Variants in SLC17A4 observed in about 807,000 individuals in gnomAD.
SLC17A4 encodes the protein solute carrier family 17 member 4, also known as probable small intestine urate exporter.
SLC17A4 carries 33 observed loss-of-function variants against 52.5 expected under a neutral mutation model. The observed-to-expected ratio is 0.63, with a 90% confidence interval of 0.48 to 0.84. The LOEUF (loss-of-function observed/expected upper bound fraction) is 0.84, where lower values mean the gene tolerates loss of function less well. Ranked by LOEUF, SLC17A4 falls within the 40% of genes least tolerant of loss-of-function variation. The pLI is 0.00. For missense variants in SLC17A4, 585 were observed against 597.1 expected (o/e 0.98, Z 0.21); for synonymous variants, 225 against 216.2 (o/e 1.04, Z -0.36).
chr6:25,769,098 G>A lies in SLC17A4; in HGVS notation c.205G>A (p.Ala69Thr). The change falls in exon 3 of 12, where the codon GCC (alanine) becomes ACC (threonine). Residue 69 changes from alanine (A) to threonine (T), a missense_variant. Coordinates refer to ENST00000377905, the MANE Select transcript of SLC17A4 (RefSeq NM_005495.3). ...IAIPAMVNNT[A>T]PPSQPNASTE... Reference sequence around the variant, plus strand: ...CATCCCAGCTATGGTGAACAACACAGCCCCACCTAGCCAGCCCAATGCTTC... The same window carrying A: ...CATCCCAGCTATGGTGAACAACACAACCCCACCTAGCCAGCCCAATGCTTC... 1.2e-6 allele frequency: 2 copies of A among 1,614,004 alleles called. No homozygotes were observed. The highest frequency in any genetic ancestry group is 1.7e-6 in the Non-Finnish European group (2 of 1,179,962).
Position 25,770,078 on chromosome 6 carries a change from T to A in SLC17A4, c.309T>A (p.Tyr103Ter), listed in dbSNP as rs976785188. The A allele has an allele frequency of 1.2e-5, 20 of 1,613,908 alleles. No individual in the cohort carries two copies. The Admixed American group carries it at 1.8e-4, about 15-fold the overall frequency. Residue 103 changes from tyrosine (Y) to a stop codon, truncating the protein, a stop_gained, in exon 4 of 12, where the codon TAT becomes TAA. Coordinates refer to ENST00000377905, the MANE Select transcript of SLC17A4 (RefSeq NM_005495.3). LOFTEE classifies it high-confidence loss of function. ...LKEFKAMAPA[Y>*]DWSPEIQGII... ...TCTTTGTCATCTAGGCCCCTGCATA[T>A]GACTGGAGTCCTGAAATCCAGGGAA...
chr6:25,767,518 A>G (rs1762123224), intron 2 of SLC17A4, among the ~76,000 whole-genome samples: 2 of 152,166 alleles, frequency 1.3e-5, no homozygotes, highest in South Asian at 4.1e-4. Flanking sequence ...TAAGTAGACC[A>G]CACAAGCTGG....
rs767440866 is a variant in SLC17A4 at position 25,770,252 on chromosome 6, G to A, written c.483G>A (p.Ala161=). 1.3e-5 allele frequency: 21 copies of A among 1,613,988 alleles called. No individual in the cohort carries two copies. The highest frequency in any genetic ancestry group is 2.2e-5 in the South Asian group (2 of 91,078). The part of the protein sequence containing the change: ...LTLFIPLAAN[A]GVALLIVLRI... ...TCTTCATTCCACTGGCAGCTAATGC[G>A]GGAGTGGCCTTGCTCATTGTCCTCC... The change falls in exon 4 of 12, where the codon GCG becomes GCA. Residue 161 remains alanine, a synonymous_variant. Coordinates refer to ENST00000377905, the MANE Select transcript of SLC17A4 (RefSeq NM_005495.3).
rs1352875535 is a variant in SLC17A4 at position 25,781,129 on chromosome 6, C to G, written c.*1941C>G. ...TAAGAAAAGGAAGCTTGGGAATAAG[C>G]CTTAAAGAATTCCAGTATTTAATGG... is the stretch of plus-strand genomic sequence containing the variant. On this transcript the variant is annotated 3_prime_UTR_variant, in exon 12 of 12. Coordinates refer to ENST00000377905, the MANE Select transcript of SLC17A4 (RefSeq NM_005495.3). 1 of 148,370 alleles carries G rather than the reference C, an allele frequency of 6.7e-6. No individual in the cohort carries two copies. Among genetic ancestry groups the G allele is most frequent in the East Asian group, 2.0e-4 (1 of 4,988 alleles). The allele number at this position is 148,370 out of a possible 1,614,324, so 9.2% of individuals were successfully genotyped here.
chr6:25,779,154 A>G lies in SLC17A4; in HGVS notation c.1460A>G (p.Asp487Gly), dbSNP rs778214251. 1.2e-6 allele frequency: 2 copies of G among 1,613,862 alleles called. No homozygotes were observed. Among genetic ancestry groups the G allele is most frequent in the Admixed American group, 3.3e-5 (2 of 59,994 alleles). ...ATCTTTGGCCGAGCAGATGTGCAGG[A>G]CTGGGCTAAAGAGCAGACATTCACC... ...YLIFGRADVQDWAKEQTFTHL is the reference protein window; with the variant it reads ...YLIFGRADVQGWAKEQTFTHL The change falls in exon 12 of 12, where the codon GAC becomes GGC. Residue 487 changes from aspartate (D) to glycine (G), a missense_variant. Physicochemically the swap from Asp to Gly is moderately conservative, Grantham distance 94. Coordinates refer to ENST00000377905, the MANE Select transcript of SLC17A4 (RefSeq NM_005495.3).
At chr6:25,769,213 C>G in intron 3 of SLC17A4, 23 bp downstream of exon 3, 1 of 1,588,976 alleles carries the variant, frequency 6.3e-7, no homozygotes, top group Admixed American at 1.7e-5. Context: ...AGACTCTGGA[C>G]TCTTTCTTTG....
Position 25,769,170 on chromosome 6 carries a change from C to G in SLC17A4, c.277C>G (p.Leu93Val), listed in dbSNP as rs765082542. The G allele has an allele frequency of 1.2e-6, 2 of 1,613,774 alleles. No individual in the cohort carries two copies. Among genetic ancestry groups the G allele is most frequent in the Admixed American group, 1.7e-5 (1 of 59,964 alleles). The change falls in exon 3 of 12, where the codon CTA becomes GTA. Residue 93 changes from leucine (L) to valine (V), a missense_variant. Coordinates refer to ENST00000377905, the MANE Select transcript of SLC17A4 (RefSeq NM_005495.3). ...TDSQGYWNET[L>V]KEFKAMAPAY... is the part of the protein sequence containing the mutation. ...CTCCCAGGGCTACTGGAATGAAACT[C>G]TAAAAGAATTTAAAGCAATGGTAAG...
At chr6:25,759,842 T>C (rs150891374) in intron 1 of SLC17A4, among the ~76,000 whole-genome samples, 58 of 152,364 alleles carry the variant, frequency 3.8e-4, no homozygotes, top group African/African-American at 1.4e-3. Context: ...TATGCTTTTA[T>C]ATATGTATCC....
Position 25,776,732 on chromosome 6 carries a change from G to A in SLC17A4, c.1120+5G>A. On this transcript the variant is annotated splice_donor_5th_base_variant and intron_variant, in intron 9 of 11. Transcript: ENST00000377905. ...GGAAACTCTTCACTGCCATTGGTAAGGGAGAGACTGGACACAGGGGTGAAC... is the reference window on the plus strand; with the variant it reads ...GGAAACTCTTCACTGCCATTGGTAAAGGAGAGACTGGACACAGGGGTGAAC... The A allele has an allele frequency of 6.2e-7, 1 of 1,613,952 alleles. No individual in the cohort carries two copies.
At chr6:25,768,847 T>C in intron 2 of SLC17A4, 138 bp from the exon 3 acceptor site, 1 of 797,520 alleles carries the variant, frequency 1.3e-6, no homozygotes, top group East Asian at 2.7e-5. Context: ...AAAATTCCAC[T>C]ACACACCTAC....
chr6:25,773,136 T>C, intron 6 of SLC17A4, 139 bp from the exon 7 acceptor site: 3 of 723,652 alleles, frequency 4.1e-6, no homozygotes, highest in South Asian at 3.4e-5. Context: ...TCCCCCATGA[T>C]AGGGCCATGC....
At chr6:25,773,787 G>C in intron 8 of SLC17A4, 113 bp downstream of exon 8, 1 of 1,067,360 alleles carries the variant, frequency 9.4e-7, no homozygotes, top group Non-Finnish European at 1.3e-6. Flanking sequence ...TTAGGACCAG[G>C]CAGGACCTCC....
At chr6:25,760,723 A>G (rs754903768) in intron 1 of SLC17A4, among the ~76,000 whole-genome samples, 1 of 151,872 alleles carries the variant, frequency 6.6e-6, no homozygotes, top group Non-Finnish European at 1.5e-5. Flanking sequence ...GATTTTGCTA[A>G]TTCTTTCATT....
At chr6:25,773,481 C>T (rs375875577) in intron 7 of SLC17A4, 32 bp from the exon 8 acceptor site, 444 of 1,612,764 alleles carry the variant, frequency 2.8e-4, no homozygotes, top group Non-Finnish European at 3.5e-4. Context: ...TGCCTTCTGA[C>T]GGAGGGGACA....
intron 8 of SLC17A4, among the ~76,000 whole-genome samples, chr6:25,775,831 T>C (rs1954597): frequency 0.079 from 12,023 of 152,236 alleles, 888 homozygotes; most frequent in African/African-American, 0.2. Context: ...AACAGTATAC[T>C]TAGTAATATG....
intron 2 of SLC17A4, chr6:25,768,261 G>T: frequency 2.3e-6 from 1 of 434,324 alleles, no homozygotes; most frequent in Non-Finnish European, 3.1e-6. Context: ...AAGAGCATTT[G>T]CTCCCTTTCA....
intron 6 of SLC17A4, among the ~76,000 whole-genome samples, chr6:25,772,210 T>C (rs986962211): frequency 6.6e-6 from 1 of 152,206 alleles, no homozygotes; most frequent in Non-Finnish European, 1.5e-5. Flanking sequence ...AAAATCTTAC[T>C]GTGCTTATGG....
intron 2 of SLC17A4, among the ~76,000 whole-genome samples, chr6:25,766,121 A>G (rs982304586): frequency 1.3e-5 from 2 of 150,522 alleles, no homozygotes; most frequent in African/African-American, 2.4e-5. Flanking sequence ...AAAATTTAAT[A>G]TTTAAAATAT....
intron 1 of SLC17A4, among the ~76,000 whole-genome samples, chr6:25,756,229 C>T (rs1311703011): frequency 1.3e-5 from 2 of 152,138 alleles, no homozygotes; most frequent in African/African-American, 4.8e-5. Flanking sequence ...CATTAACCTC[C>T]TCATTCACTC....
Sources: allele counts gnomAD v4.1 joint callset (sites outside exome capture counted in the v4.1 genomes callset), GRCh38; gene constraint gnomAD v4.1.1; transcripts MANE v1.5; gene names NCBI Gene and HGNC (gene_info 2026-07-23, HGNC 2026-07-21).